The following GRK7 variants were observed in gnomAD, a reference collection of about 807,000 sequenced individuals.
GRK7 encodes G protein-coupled receptor kinase 7, also known as rhodopsin kinase GRK7.
Under a neutral mutation model 34.1 loss-of-function variants are expected in GRK7, and 24 were observed. That is an observed-to-expected ratio of 0.70 (90% confidence interval 0.51 to 0.99). GRK7 has a LOEUF of 0.99. Among genes scored for constraint, GRK7 ranks in the 50% least tolerant of loss-of-function variants. The pLI is 0.00. For synonymous variants in GRK7, 256 were observed against 279.4 expected, an observed-to-expected ratio of 0.92 and a Z score of 0.84; for missense variants, 644 against 707.3, an observed-to-expected ratio of 0.91 and a Z score of 1.02.
intron 4 of GRK7, among the ~76,000 whole-genome samples, chr3:141,796,089 G>A (rs1297074103): frequency 2.0e-5 from 3 of 152,208 alleles, no homozygotes; most frequent in African/African-American, 7.2e-5. Flanking sequence ...AGGTCAAGGA[G>A]AAAGGAGCTT....
rs572200969 is a variant in GRK7 at position 141,789,016 on chromosome 3, T to C, written c.1050+8205T>C. Among the ~76,000 whole-genome samples, 15 of 152,244 alleles carry C rather than the reference T, an allele frequency of 9.9e-5. 1 individual carries two copies. The highest frequency in any genetic ancestry group is 3.6e-4 in the African/African-American group (15 of 41,552). ...TTTTAGTAGAGATGGGATTTCACCA[T>C]GTTGGCCAAGCTAGTCTTGAACTCC... On this transcript the variant is annotated intron_variant, in intron 4 of 5. Coordinates refer to ENST00000682958, the MANE Select transcript of GRK7 (RefSeq NM_139209.3).
chr3:141,802,029 G>GA (rs1242190030), intron 4 of GRK7, among the ~76,000 whole-genome samples: 3 of 151,926 alleles, frequency 2.0e-5, no homozygotes, highest in African/African-American at 7.3e-5. Context: ...CAATATTTCT[G>GA]AAAAAAAGAG....
In GRK7 at chr3:141,771,592, A is replaced by G. The variant is rs115579193; in HGVS notation, c.-214-2988A>G. On this transcript the variant is annotated intron_variant, in intron 1 of 5. Coordinates refer to ENST00000682958, the MANE Select transcript of GRK7 (RefSeq NM_139209.3). Reference sequence around the variant, plus strand: ...AGGGATAACAAATTACTTAATGTGTACAATGTACATTATTCAAGTGATGGC... The same window carrying G: ...AGGGATAACAAATTACTTAATGTGTGCAATGTACATTATTCAAGTGATGGC... 4.9e-3 allele frequency among the ~76,000 whole-genome samples: 750 copies of G among 152,264 alleles called. 2 individuals are homozygous for G. Among genetic ancestry groups the G allele is most frequent in the African/African-American group, 0.018 (727 of 41,540 alleles).
rs550541266 is a variant in GRK7 at position 141,768,271 on chromosome 3, CTT to C, written c.-215+2548_-215+2549del. 1.5e-4 allele frequency among the ~76,000 whole-genome samples: 21 copies of C among 137,848 alleles called. 1 individual carries two copies. The highest frequency in any genetic ancestry group is 1.2e-3 in the South Asian group (5 of 4,282). 90.4% of individuals were successfully genotyped at this position (137,848 alleles called of 152,430 possible). On this transcript the variant is annotated intron_variant, in intron 1 of 5. Transcript: ENST00000682958. ...TCTAACCTGGATCCTTCCTGTCAGC[CTT>C]TTTTTTTTTTTTTTGAGACGGAGTC...
intron 1 of GRK7, among the ~76,000 whole-genome samples, chr3:141,766,003 C>G (rs113994599): frequency 0.041 from 6,224 of 152,158 alleles, 161 homozygotes; most frequent in Non-Finnish European, 0.056. Flanking sequence ...AAGGGTCAGG[C>G]CCACACTGTA....
chr3:141,808,064 C>A (rs1185992647), intron 5 of GRK7, 145 bp downstream of exon 5: 3 of 705,508 alleles, frequency 4.3e-6, no homozygotes, highest in East Asian at 2.8e-5. Flanking sequence ...TTAAACATTT[C>A]TAATACTTTC....
intron 1 of GRK7, among the ~76,000 whole-genome samples, chr3:141,767,598 G>T (rs937549634): frequency 6.6e-6 from 1 of 151,904 alleles, no homozygotes; most frequent in African/African-American, 2.4e-5. Flanking sequence ...ACGGGGTTTT[G>T]CTGTGTTGCC....
chr3:141,776,305 A>G (rs2084638450), intron 2 of GRK7, among the ~76,000 whole-genome samples: 1 of 151,908 alleles, frequency 6.6e-6, no homozygotes, highest in Non-Finnish European at 1.5e-5. Context: ...AATTAAAAAA[A>G]ATAAAAAATA....
At chr3:141,789,656 C>CAAAAAAAAAAAACAAA in intron 4 of GRK7, among the ~76,000 whole-genome samples, 1 of 119,254 alleles carries the variant, frequency 8.4e-6, no homozygotes, top group South Asian at 2.6e-4. Context: ...GCCAAATGGG[C>CAAAAAAAAAAAACAAA]AAAAAAAAAA....
At chr3:141,785,881 G>A (rs1033667985) in intron 4 of GRK7, among the ~76,000 whole-genome samples, 5 of 151,154 alleles carry the variant, frequency 3.3e-5, no homozygotes, top group Non-Finnish European at 7.4e-5. Flanking sequence ...CAAGGCTTCA[G>A]TGAGCTATGA....
intron 2 of GRK7, among the ~76,000 whole-genome samples, chr3:141,775,431 A>G (rs1316915878): frequency 6.6e-6 from 1 of 152,182 alleles, no homozygotes; most frequent in Non-Finnish European, 1.5e-5. Flanking sequence ...TGAGTTATTT[A>G]TTCAGATCTA....
rs765620846 is a variant in GRK7 at position 141,817,092 on chromosome 3, CAT to C, written c.*44_*45del. On this transcript the variant is annotated 3_prime_UTR_variant, in exon 6 of 6. Transcript: ENST00000682958. The stretch of plus-strand genomic sequence containing the variant: ...GACAGGCAGCAGGAGTCTCGGCTGA[CAT>C]AATCCTCGAATGTTCCACACGTGGA... 7.0e-7 allele frequency: 1 copy of C among 1,436,256 alleles called. No individual in the cohort carries two copies. The highest frequency in any genetic ancestry group is 1.4e-5 in the African/African-American group (1 of 71,010). 89.0% of individuals were successfully genotyped at this position (1,436,256 alleles called of 1,614,324 possible).
rs2084566605 is a variant in GRK7, at chr3:141,763,521, TG to T, written c.-2431del. ...CACAGACGAGGAACCAGGGCCCCAG[TG>T]CTGTGCCTAAGACCTCCTTCAACTT... On this transcript the variant is annotated 5_prime_UTR_variant, in exon 1 of 6. Coordinates refer to ENST00000682958, the MANE Select transcript of GRK7 (RefSeq NM_139209.3). 6.6e-6 allele frequency among the ~76,000 whole-genome samples: 1 copy of T among 152,146 alleles called. No homozygotes were observed. The highest frequency in any genetic ancestry group is 2.4e-5 in the African/African-American group (1 of 41,442).
rs544701978 is a variant in GRK7 at position 141,764,297 on chromosome 3, A to T, written c.-1656A>T. ...ACACCCTTAAGCAAGACTCCTCAAG[A>T]GTAGCTTACACTAGCTGCCTCCAAT... On this transcript the variant is annotated 5_prime_UTR_variant, in exon 1 of 6. Transcript: ENST00000682958. Among the ~76,000 whole-genome samples, 1 of 152,266 alleles carries T rather than the reference A, an allele frequency of 6.6e-6. No homozygotes were observed. The highest frequency in any genetic ancestry group is 2.1e-4 in the South Asian group (1 of 4,822).
intron 4 of GRK7, among the ~76,000 whole-genome samples, chr3:141,803,054 A>G (rs565482856): frequency 6.6e-6 from 1 of 152,216 alleles, no homozygotes; most frequent in Non-Finnish European, 1.5e-5. Context: ...CCTTTGAAAT[A>G]CCCATTACCT....
intron 4 of GRK7, among the ~76,000 whole-genome samples, chr3:141,783,346 A>G (rs1175604055): frequency 6.6e-6 from 1 of 152,232 alleles, no homozygotes; most frequent in Non-Finnish European, 1.5e-5. Flanking sequence ...TGAGGAGAAG[A>G]TCACCCGGCT....
chr3:141,802,005 A>G (rs1420564048), intron 4 of GRK7, among the ~76,000 whole-genome samples: 2 of 152,242 alleles, frequency 1.3e-5, no homozygotes, highest in African/African-American at 2.4e-5. Flanking sequence ...GGTAAGAAAC[A>G]TAAAGGATAA....
In GRK7 at chr3:141,817,293, T is replaced by C. The variant is rs2107899363; in HGVS notation, c.*243T>C. 2.4e-6 allele frequency: 1 copy of C among 410,544 alleles called. No homozygotes were observed. Among genetic ancestry groups the C allele is most frequent in the Non-Finnish European group, 4.3e-6 (1 of 231,414 alleles). The allele number at this position is 410,544 out of a possible 1,614,324, so 25.4% of individuals were successfully genotyped here. The stretch of plus-strand genomic sequence containing the variant: ...GGGAAAAGGAACACTCAGGTTTATT[T>C]TGATAAACTGAAAGCATCAGCCTTT... On this transcript the variant is annotated 3_prime_UTR_variant, in exon 6 of 6. Coordinates refer to ENST00000682958, the MANE Select transcript of GRK7 (RefSeq NM_139209.3).
intron 4 of GRK7, among the ~76,000 whole-genome samples, chr3:141,801,310 C>CAAAAAAAAAAAA (rs55657739): frequency 2.9e-5 from 2 of 70,012 alleles, no homozygotes; most frequent in Admixed American, 3.8e-4. Context: ...GACTCCGTCT[C>CAAAAAAAAAAAA]AAAAAAAAAA....
Sources: allele counts gnomAD v4.1 joint callset (sites outside exome capture counted in the v4.1 genomes callset), GRCh38; gene constraint gnomAD v4.1.1; transcripts MANE v1.5; gene names NCBI Gene and HGNC (gene_info 2026-07-23, HGNC 2026-07-21).